TMTC1: variants seen among roughly 807,000 people sequenced by gnomAD.
TMTC1 encodes protein O-mannosyl-transferase TMTC1.
Under a neutral mutation model 104.8 loss-of-function variants are expected in TMTC1, and 73 were observed. The ratio of observed to expected loss-of-function variants is 0.70; its 90% CI spans 0.58 to 0.85. TMTC1 has a LOEUF of 0.85. Ranked by LOEUF, TMTC1 falls within the 40% of genes least tolerant of loss-of-function variation. TMTC1 has a pLI of 0.00. For missense variants in TMTC1, 1,035 were observed against 1,096.1 expected (o/e 0.94, Z 0.79); for synonymous variants, 434 against 428.7 (o/e 1.01, Z -0.15).
Position 29,506,863 on chromosome 12 carries a change from C to T in TMTC1, c.2632G>A (p.Glu878Lys), listed in dbSNP as rs1249778971. The T allele has an allele frequency of 6.2e-7, 1 of 1,614,128 alleles. No homozygotes were observed. Among genetic ancestry groups the T allele is most frequent in the Non-Finnish European group, 8.5e-7 (1 of 1,179,966 alleles). The change falls in exon 18 of 18, where the codon GAA becomes AAA. Residue 878 changes from glutamate (E) to lysine (K), a missense_variant. Physicochemically the swap from Glu to Lys is moderately conservative, Grantham distance 56. Coordinates refer to ENST00000539277, the MANE Select transcript of TMTC1 (RefSeq NM_001193451.2). Reference protein sequence around the residue: ...RLEKRLQEVREKDQT With the variant: ...RLEKRLQEVRKKDQT Reference sequence around the variant, plus strand: ...CGGTGGTGCTATGTTTGATCCTTTTCTCGAACTTCTTGTAATCGTTTTTCT... The same window carrying T: ...CGGTGGTGCTATGTTTGATCCTTTTTTCGAACTTCTTGTAATCGTTTTTCT...
chr12:29,776,802 G>A (rs1157693549), intron 1 of TMTC1, among the ~76,000 whole-genome samples: 1 of 152,156 alleles, frequency 6.6e-6, no homozygotes, highest in African/African-American at 2.4e-5. Context: ...GTGACATTTA[G>A]GCAGAAACCA....
chr12:29,589,832 C>T (rs946252771), intron 7 of TMTC1, among the ~76,000 whole-genome samples: 3 of 152,194 alleles, frequency 2.0e-5, no homozygotes, highest in African/African-American at 7.2e-5. Context: ...CGGGCAAGGA[C>T]AGTACTGGTT....
chr12:29,526,868 T>C (rs1323405238), intron 11 of TMTC1, among the ~76,000 whole-genome samples: 2 of 152,164 alleles, frequency 1.3e-5, no homozygotes, highest in African/African-American at 2.4e-5. Context: ...TACCAAGACA[T>C]ATCAGAATTT....
At position 29,726,554 on chromosome 12, in the gene TMTC1, G is replaced by A. The variant is rs183806989; in HGVS notation, c.938+25112C>T. On this transcript the variant is annotated intron_variant, in intron 5 of 17. Transcript: ENST00000539277. Reference sequence around the variant, plus strand: ...AAGCATATAAACAGAGGTACAGACCGACTGCCTTTCTCCAGGAGGGCAACC... The same window carrying A: ...AAGCATATAAACAGAGGTACAGACCAACTGCCTTTCTCCAGGAGGGCAACC... 5.9e-5 allele frequency among the ~76,000 whole-genome samples: 9 copies of A among 152,270 alleles called. No individual in the cohort carries two copies. In the East Asian group the frequency reaches 1.4e-3, roughly 23 times the overall value.
chr12:29,710,121 T>C (rs941656124), intron 5 of TMTC1, among the ~76,000 whole-genome samples: 7 of 152,148 alleles, frequency 4.6e-5, no homozygotes, highest in African/African-American at 1.7e-4. Flanking sequence ...GTAGAGTCTA[T>C]TTCTGTTTTC....
At position 29,783,776 on chromosome 12, in the gene TMTC1, C is replaced by A; in HGVS notation, c.-25G>T. ...TCGCGCCGCCGCCGCCGCTGCTGCC[C>A]TGGCCTCTCCCGGGCGTCTGGCATC... On this transcript the variant is annotated 5_prime_UTR_variant, in exon 1 of 18. The change creates a new upstream start codon in the 5' untranslated region. Coordinates refer to ENST00000539277, the MANE Select transcript of TMTC1 (RefSeq NM_001193451.2). The surrounding 1 kb of genome is among the most constrained non-coding windows in gnomAD (Gnocchi z 4.7). 1 of 1,136,614 alleles carries A rather than the reference C, an allele frequency of 8.8e-7. No homozygotes were observed. The highest frequency in any genetic ancestry group is 1.1e-6 in the Non-Finnish European group (1 of 929,244). The allele number at this position is 1,136,614 out of a possible 1,614,324, so 70.4% of individuals were successfully genotyped here. A position where few individuals can be genotyped will look rare whatever the true frequency, so the allele number is the denominator to read the frequency against.
At chr12:29,523,774 G>T (rs757123315) in intron 11 of TMTC1, among the ~76,000 whole-genome samples, 1 of 152,002 alleles carries the variant, frequency 6.6e-6, no homozygotes, top group Non-Finnish European at 1.5e-5. Context: ...TTTTTGGAGG[G>T]CAGAAAGAAA....
intron 7 of TMTC1, among the ~76,000 whole-genome samples, chr12:29,588,649 A>G (rs1357568554): frequency 1.3e-5 from 2 of 152,226 alleles, no homozygotes; most frequent in African/African-American, 2.4e-5. Flanking sequence ...AATGAGTAAA[A>G]AACACACAGG....
At chr12:29,516,726 A>C (rs1451075858) in intron 14 of TMTC1, among the ~76,000 whole-genome samples, 1 of 152,180 alleles carries the variant, frequency 6.6e-6, no homozygotes, top group Non-Finnish European at 1.5e-5. Context: ...TATCCAGTGA[A>C]ATGGCTTGTG....
At chr12:29,631,673 G>A (rs1938305627) in intron 6 of TMTC1, among the ~76,000 whole-genome samples, 1 of 152,128 alleles carries the variant, frequency 6.6e-6, no homozygotes, top group Admixed American at 6.5e-5. Flanking sequence ...ACTGGGTGTT[G>A]CATGCCACAC....
At chr12:29,602,654 G>A (rs552646205) in intron 7 of TMTC1, among the ~76,000 whole-genome samples, 10 of 151,820 alleles carry the variant, frequency 6.6e-5, no homozygotes, top group Non-Finnish European at 1.3e-4. Flanking sequence ...AATAGTAAGT[G>A]AAATATAATA....
intron 5 of TMTC1, among the ~76,000 whole-genome samples, chr12:29,707,831 C>T (rs774687675): frequency 9.2e-5 from 14 of 152,170 alleles, no homozygotes; most frequent in Non-Finnish European, 1.5e-4. Flanking sequence ...CACTTAAAAA[C>T]TGAAGTTTAA....
Position 29,645,962 on chromosome 12 carries a change from GA to G in TMTC1, c.939-12627del, listed in dbSNP as rs530070965. On this transcript the variant is annotated intron_variant, in intron 5 of 17. Transcript: ENST00000539277. The stretch of plus-strand genomic sequence containing the variant: ...TTGCATCAAAGAAAATTGCCTAAAA[GA>G]GGCTGTAATTCATTCAATTCCCACT... Among the ~76,000 whole-genome samples the G allele has an allele frequency of 7.2e-5, 11 of 152,312 alleles. No individual in the cohort carries two copies. The East Asian group carries it at 2.1e-3, about 29-fold the overall frequency.
chr12:29,604,182 G>A lies in TMTC1; in HGVS notation c.1246C>T (p.Pro416Ser). Residue 416 changes from proline (P) to serine (S), a missense_variant, in exon 7 of 18, where the codon CCT becomes TCT. Transcript: ENST00000539277. Reference sequence around the variant, plus strand: ...GAAGTCACGTGCAATAGTTACCTAGGCATGTAAAGGACTCTCTCCGCCACC... The same window carrying A: ...GAAGTCACGTGCAATAGTTACCTAGACATGTAAAGGACTCTCTCCGCCACC... ...FVVAERVLYM[P>S]SMGYCILFVH... is the part of the protein sequence containing the mutation. 1 of 1,613,580 alleles carries A rather than the reference G, an allele frequency of 6.2e-7. No homozygotes were observed. Among genetic ancestry groups the A allele is most frequent in the Non-Finnish European group, 8.5e-7 (1 of 1,179,656 alleles).
At chr12:29,738,075 G>A (rs1262273448) in intron 5 of TMTC1, among the ~76,000 whole-genome samples, 2 of 152,196 alleles carry the variant, frequency 1.3e-5, no homozygotes. Flanking sequence ...TTGGGTGCTT[G>A]TGTTGTACTG....
Position 29,783,368 on chromosome 12 carries a change from C to G in TMTC1, c.302+82G>C. On this transcript the variant is annotated intron_variant, in intron 1 of 17. Transcript: ENST00000539277. This position sits in a 1 kb window ranked among gnomAD's most constrained non-coding sequence, Gnocchi z 4.7. The stretch of plus-strand genomic sequence containing the variant: ...CGGCAAAAATGAAATGCCCCCAAGT[C>G]AGTCCCGCAACTTCTCCCGGTCCGA... 8.3e-7 allele frequency: 1 copy of G among 1,209,676 alleles called. No individual in the cohort carries two copies. The highest frequency in any genetic ancestry group is 1.0e-6 in the Non-Finnish European group (1 of 956,344). 74.9% of individuals were successfully genotyped at this position (1,209,676 alleles called of 1,614,324 possible).
intron 10 of TMTC1, among the ~76,000 whole-genome samples, chr12:29,551,550 T>TATTCTACAAAACTACA (rs1945103391): frequency 6.6e-6 from 1 of 152,214 alleles, no homozygotes; most frequent in Admixed American, 6.5e-5. Flanking sequence ...TCATATTCTA[T>TATTCTACAAAACTACA]TATGTGAACA....
intron 1 of TMTC1, among the ~76,000 whole-genome samples, chr12:29,770,509 G>A (rs1250711615): frequency 6.6e-6 from 1 of 152,154 alleles, no homozygotes; most frequent in East Asian, 1.9e-4. Context: ...GAAAAAACAC[G>A]CTTGCACAAG....
At chr12:29,729,701 C>A (rs7313544) in intron 5 of TMTC1, among the ~76,000 whole-genome samples, 1 of 152,168 alleles carries the variant, frequency 6.6e-6, no homozygotes, top group Non-Finnish European at 1.5e-5. Flanking sequence ...AATCCCCCTC[C>A]AATGATCCTA....
Sources: gnomAD v4.1 joint callset for allele counts (sites outside exome capture counted in the v4.1 genomes callset) on GRCh38, gnomAD v4.1.1 for gene constraint, Gnocchi (gnomAD v3.1) non-coding constraint, MANE v1.5 for transcripts, NCBI Gene and HGNC (gene_info 2026-07-23, HGNC 2026-07-21) for gene names.